The following UIMC1 variants were observed in gnomAD, a reference collection of about 807,000 sequenced individuals.
UIMC1 encodes ubiquitin interaction motif containing 1, also known as BRCA1-A complex subunit RAP80.
In UIMC1, 42 loss-of-function variants were observed where a neutral mutation model predicts 84.9. That is an observed-to-expected ratio of 0.49 (90% confidence interval 0.39 to 0.64). The LOEUF (loss-of-function observed/expected upper bound fraction) is 0.64. Among genes scored for constraint, UIMC1 ranks in the 30% least tolerant of loss-of-function variants. The pLI, the probability that UIMC1 is intolerant of heterozygous loss-of-function variation, is 0.00. For synonymous variants in UIMC1, 281 were observed against 293.0 expected, an observed-to-expected ratio of 0.96 and a Z score of 0.42; for missense variants, 825 against 847.6, an observed-to-expected ratio of 0.97 and a Z score of 0.33.
chr5:177,021,305 A>C (rs934718128), intron 1 of UIMC1, among the ~76,000 whole-genome samples: 11 of 152,184 alleles, frequency 7.2e-5, no homozygotes, highest in African/African-American at 2.2e-4. Context: ...GAAAGAAAAG[A>C]AAAGAGACAA....
At chr5:176,938,260 C>T (rs1161161632) in intron 10 of UIMC1, among the ~76,000 whole-genome samples, 4 of 149,316 alleles carry the variant, frequency 2.7e-5, no homozygotes, top group Non-Finnish European at 4.5e-5. Flanking sequence ...AAAAGGCTTC[C>T]TTTTACAAAA....
intron 2 of UIMC1, among the ~76,000 whole-genome samples, chr5:176,975,860 T>C (rs1049607970): frequency 1.3e-5 from 2 of 151,952 alleles, no homozygotes; most frequent in African/African-American, 4.8e-5. Context: ...TTTTGGACAA[T>C]GGATAGTAAA....
At chr5:176,987,958 T>C (rs1315707200) in intron 1 of UIMC1, among the ~76,000 whole-genome samples, 1 of 151,668 alleles carries the variant, frequency 6.6e-6, no homozygotes, top group East Asian at 1.9e-4. Flanking sequence ...GGCAAAACCC[T>C]ATACAAAAAA....
rs139844409 is a variant in UIMC1 at position 176,979,306 on chromosome 5, CAT to C, written c.147+3161_147+3162del. ...AGGAGAAACATGGGAAGATAGAATA[CAT>C]AGTCGTTACCTTTAGAAAGGTGGAA... is the stretch of plus-strand genomic sequence containing the variant. On this transcript the variant is annotated intron_variant, in intron 2 of 14. Transcript: ENST00000511320. 2.9e-3 allele frequency among the ~76,000 whole-genome samples: 436 copies of C among 152,194 alleles called. 7 individuals carry two copies. Among genetic ancestry groups the C allele is most frequent in the East Asian group, 7.9e-3 (41 of 5,192 alleles).
intron 1 of UIMC1, among the ~76,000 whole-genome samples, chr5:176,986,176 A>G (rs1771954768): frequency 6.6e-6 from 1 of 151,460 alleles, no homozygotes; most frequent in Non-Finnish European, 1.5e-5. Flanking sequence ...CCTGGCCAAC[A>G]TGGTAAAACC....
chr5:176,935,202 T>G (rs550097514), intron 10 of UIMC1, among the ~76,000 whole-genome samples: 78 of 152,346 alleles, frequency 5.1e-4, no homozygotes, highest in African/African-American at 1.8e-3. Flanking sequence ...TTTGTCATTC[T>G]CCAACTGCCC....
intron 1 of UIMC1, among the ~76,000 whole-genome samples, chr5:176,984,225 C>T (rs1257817396): frequency 7.2e-5 from 10 of 138,892 alleles, no homozygotes; most frequent in African/African-American, 2.7e-4. Flanking sequence ...CCCGGCCGCC[C>T]CATCTGGAAA....
At chr5:177,002,629 G>A (rs537508682) in intron 1 of UIMC1, among the ~76,000 whole-genome samples, 4 of 152,054 alleles carry the variant, frequency 2.6e-5, no homozygotes, top group Admixed American at 6.6e-5. Flanking sequence ...GTGAAACCCC[G>A]TCTCTACTAA....
intron 1 of UIMC1, among the ~76,000 whole-genome samples, chr5:176,989,601 G>A (rs1446597271): frequency 6.6e-6 from 1 of 151,118 alleles, no homozygotes; most frequent in Non-Finnish European, 1.5e-5. Flanking sequence ...AGGTTGCAGT[G>A]AACCAAGATC....
At chr5:176,957,972 A>C in intron 7 of UIMC1, 121 bp downstream of exon 7, 1 of 773,930 alleles carries the variant, frequency 1.3e-6, no homozygotes, top group East Asian at 2.7e-5. Context: ...CCTAGTCTTC[A>C]CTTATAAAAG....
chr5:176,937,285 G>A (rs1763825321), intron 10 of UIMC1, among the ~76,000 whole-genome samples: 1 of 152,138 alleles, frequency 6.6e-6, no homozygotes, highest in South Asian at 2.1e-4. Flanking sequence ...TCATGAGTCA[G>A]GAGATCGAGA....
intron 14 of UIMC1, 181 bp downstream of exon 14, chr5:176,905,826 GAATT>G (rs1292845380): frequency 2.7e-5 from 18 of 659,728 alleles, no homozygotes; most frequent in African/African-American, 7.3e-5. Flanking sequence ...CACAATGAAT[GAATT>G]GAGTTATCCA....
At chr5:176,989,246 C>CAT (rs2149518496) in intron 1 of UIMC1, among the ~76,000 whole-genome samples, 1 of 152,280 alleles carries the variant, frequency 6.6e-6, no homozygotes, top group East Asian at 1.9e-4. Flanking sequence ...ATAGTAACAA[C>CAT]ATACACACAC....
chr5:177,004,085 T>A (rs1774928335), intron 1 of UIMC1, among the ~76,000 whole-genome samples: 1 of 152,162 alleles, frequency 6.6e-6, no homozygotes, highest in Admixed American at 6.6e-5. Flanking sequence ...CACCTCAGCC[T>A]CCCAAAGTGC....
intron 10 of UIMC1, among the ~76,000 whole-genome samples, chr5:176,914,069 T>TACCATACCACACCACACCACACCAC (rs1343483368): frequency 3.1e-4 from 45 of 144,418 alleles, no homozygotes; most frequent in African/African-American, 7.4e-4. Flanking sequence ...TACCATACCA[T>TACCATACCACACCACACCACACCAC]ACCACACCAC....
chr5:176,950,334 G>A (rs1165064017), intron 9 of UIMC1, among the ~76,000 whole-genome samples: 4 of 150,570 alleles, frequency 2.7e-5, no homozygotes, highest in African/African-American at 7.3e-5. Context: ...TCTTGACCTC[G>A]TGATCCACCT....
chr5:176,953,517 C>CAG (rs1436482766), intron 8 of UIMC1, among the ~76,000 whole-genome samples: 1 of 151,690 alleles, frequency 6.6e-6, no homozygotes, highest in Non-Finnish European at 1.5e-5. Context: ...CACACACACA[C>CAG]ACACACACAC....
intron 10 of UIMC1, among the ~76,000 whole-genome samples, chr5:176,918,266 T>C (rs1265573521): frequency 2.0e-5 from 3 of 152,224 alleles, no homozygotes; most frequent in Non-Finnish European, 4.4e-5. Context: ...GACTGAACCA[T>C]ATGAAGTTGC....
intron 8 of UIMC1, 141 bp downstream of exon 8, chr5:176,955,818 C>T (rs1454442453): frequency 9.1e-6 from 6 of 656,438 alleles, no homozygotes; most frequent in Middle Eastern, 5.7e-4. Flanking sequence ...TATACGCATA[C>T]GAGTGTTGAG....
Sources: allele counts gnomAD v4.1 joint callset (sites outside exome capture counted in the v4.1 genomes callset), GRCh38; gene constraint gnomAD v4.1.1; transcripts MANE v1.5; gene names NCBI Gene and HGNC (gene_info 2026-07-23, HGNC 2026-07-21).